PTPRN2: variants seen among roughly 807,000 people sequenced by gnomAD.
The protein encoded by PTPRN2 is protein tyrosine phosphatase receptor type N2.
PTPRN2 carries 74 observed loss-of-function variants against 118.8 expected under a neutral mutation model. The ratio of observed to expected loss-of-function variants is 0.62; its 90% CI spans 0.52 to 0.76. The LOEUF (loss-of-function observed/expected upper bound fraction) is 0.76. Ranked by LOEUF, PTPRN2 falls within the 30% of genes least tolerant of loss-of-function variation. PTPRN2 has a pLI of 0.00. For missense variants in PTPRN2, 1,481 were observed against 1,394.4 expected, an observed-to-expected ratio of 1.06 and a Z score of -0.99; for synonymous variants, 641 against 608.0, an observed-to-expected ratio of 1.05 and a Z score of -0.80.
chr7:157,655,136 G>C (rs549609093), intron 14 of PTPRN2, among the ~76,000 whole-genome samples: 3 of 152,230 alleles, frequency 2.0e-5, no homozygotes, highest in Non-Finnish European at 2.9e-5. Context: ...GTCCGGCTTC[G>C]TGGGCTCGCC....
rs533140408 is a variant in PTPRN2, at chr7:157,576,648, G to C, written c.2748C>G (p.Val916=). ...FHFLSWYDRG[V]PSSSRSLLDF... The stretch of plus-strand genomic sequence containing the variant: ...CCAGGAGGGACCTTGAGGAGGAAGG[G>C]ACTCCTCGGTCATACCAACTCAGGA... Residue 916 remains valine (V), a synonymous_variant, in exon 19 of 23, where the codon GTC becomes GTG. Coordinates refer to ENST00000389418, the MANE Select transcript of PTPRN2 (RefSeq NM_002847.5). 26 of 1,612,708 alleles carry C rather than the reference G, an allele frequency of 1.6e-5. No homozygotes were observed. The East Asian group carries it at 5.4e-4, about 33-fold the overall frequency.
At chr7:157,687,952 CA>C (rs1465064427) in intron 12 of PTPRN2, among the ~76,000 whole-genome samples, 1 of 152,188 alleles carries the variant, frequency 6.6e-6, no homozygotes, top group Non-Finnish European at 1.5e-5. Flanking sequence ...CTCTGCATTA[CA>C]AAATCTTTTC....
intron 3 of PTPRN2, among the ~76,000 whole-genome samples, chr7:158,239,743 A>C (rs1795797075): frequency 6.6e-6 from 1 of 152,234 alleles, no homozygotes; most frequent in Admixed American, 6.5e-5. Context: ...TGCACTTCCC[A>C]CATCTGGATG....
Position 158,353,321 on chromosome 7 carries a change from T to C in PTPRN2, c.164-36389A>G, listed in dbSNP as rs184529183. On this transcript the variant is annotated intron_variant, in intron 2 of 22. Coordinates refer to ENST00000389418, the MANE Select transcript of PTPRN2 (RefSeq NM_002847.5). ...AAAGATGACACATCACTCGGGGCTT[T>C]ATAAAATCCAGGACTCATGTAAACA... Among the ~76,000 whole-genome samples, 367 of 152,328 alleles carry C rather than the reference T, an allele frequency of 2.4e-3. 3 individuals are homozygous for C. Among genetic ancestry groups the C allele is most frequent in the African/African-American group, 8.5e-3 (354 of 41,576 alleles).
chr7:157,568,701 G>T (rs570178930), intron 21 of PTPRN2, among the ~76,000 whole-genome samples: 1 of 151,760 alleles, frequency 6.6e-6, no homozygotes, highest in Non-Finnish European at 1.5e-5. Context: ...CCCACTGCAG[G>T]CTCGGCACGC....
chr7:158,182,944 A>C (rs924675003), intron 5 of PTPRN2, among the ~76,000 whole-genome samples: 3 of 152,216 alleles, frequency 2.0e-5, no homozygotes, highest in South Asian at 4.1e-4. Context: ...CACATCTAGC[A>C]GTAATTATTT....
intron 10 of PTPRN2, among the ~76,000 whole-genome samples, chr7:158,084,540 C>T (rs2128934486): frequency 6.6e-6 from 1 of 152,160 alleles, no homozygotes; most frequent in South Asian, 2.1e-4. Flanking sequence ...AAAAGTAAAA[C>T]AAAGATGCCT....
intron 11 of PTPRN2, among the ~76,000 whole-genome samples, chr7:158,001,958 TG>T (rs1805295547): frequency 6.6e-6 from 1 of 152,232 alleles, no homozygotes; most frequent in South Asian, 2.1e-4. Flanking sequence ...CTGGCCAAGC[TG>T]TCTCCAGGTC....
intron 2 of PTPRN2, among the ~76,000 whole-genome samples, chr7:158,450,406 CTTT>C (rs1305162346): frequency 6.6e-6 from 1 of 152,208 alleles, no homozygotes; most frequent in Non-Finnish European, 1.5e-5. Context: ...TTCATTCTTG[CTTT>C]TTTTAACCTC....
At chr7:157,978,213 T>C (rs182708104) in intron 11 of PTPRN2, among the ~76,000 whole-genome samples, 21 of 152,082 alleles carry the variant, frequency 1.4e-4, no homozygotes, top group Non-Finnish European at 2.8e-4. Context: ...TGAAACTAGC[T>C]CTCAGACATC....
intron 10 of PTPRN2, among the ~76,000 whole-genome samples, chr7:158,106,885 C>A (rs1420219359): frequency 6.6e-6 from 1 of 152,180 alleles, no homozygotes; most frequent in Non-Finnish European, 1.5e-5. Flanking sequence ...ATCTAATTCT[C>A]CTTCAGCATA....
In PTPRN2 at chr7:157,871,165, C is replaced by T. The variant is rs529786110; in HGVS notation, c.1788+27508G>A. Among the ~76,000 whole-genome samples, 3 of 152,302 alleles carry T rather than the reference C, an allele frequency of 2.0e-5. No individual in the cohort carries two copies. In the South Asian group the frequency reaches 6.2e-4, roughly 32 times the overall value. On this transcript the variant is annotated intron_variant, in intron 12 of 22. Coordinates refer to ENST00000389418, the MANE Select transcript of PTPRN2 (RefSeq NM_002847.5). Reference sequence around the variant, plus strand: ...TAGGCACCAATCTTTCCTCTTTTCTCAGCTGGGGAGGCCCAGTTGCTCAAA... The same window carrying T: ...TAGGCACCAATCTTTCCTCTTTTCTTAGCTGGGGAGGCCCAGTTGCTCAAA...
chr7:158,358,559 G>T (rs561198114), intron 2 of PTPRN2, among the ~76,000 whole-genome samples: 3 of 152,204 alleles, frequency 2.0e-5, no homozygotes, highest in Admixed American at 1.3e-4. Flanking sequence ...CAACCCAGGC[G>T]CCCAGCAGCT....
At chr7:158,350,205 G>A (rs1170193542) in intron 2 of PTPRN2, among the ~76,000 whole-genome samples, 5 of 152,160 alleles carry the variant, frequency 3.3e-5, no homozygotes, top group African/African-American at 1.2e-4. Flanking sequence ...CATTGACCCT[G>A]AGGCCCTAAG....
At chr7:158,215,106 C>T (rs1350655152) in intron 3 of PTPRN2, among the ~76,000 whole-genome samples, 3 of 152,094 alleles carry the variant, frequency 2.0e-5, no homozygotes, top group Non-Finnish European at 2.9e-5. Context: ...AAAAATGCTT[C>T]AATGAGCAAT....
At chr7:157,933,524 G>T (rs1213058645) in intron 11 of PTPRN2, among the ~76,000 whole-genome samples, 1 of 137,926 alleles carries the variant, frequency 7.3e-6, no homozygotes, top group Non-Finnish European at 1.6e-5. Context: ...GGAAGGGTGA[G>T]TCACTCTGAC....
intron 12 of PTPRN2, among the ~76,000 whole-genome samples, chr7:157,822,626 C>T (rs954555763): frequency 2.6e-5 from 4 of 151,726 alleles, no homozygotes; most frequent in Admixed American, 1.3e-4. Flanking sequence ...ATCCATCTAC[C>T]CTTTCATCCA....
At chr7:157,774,024 T>C (rs952415078) in intron 12 of PTPRN2, among the ~76,000 whole-genome samples, 3 of 151,860 alleles carry the variant, frequency 2.0e-5, no homozygotes, top group Admixed American at 6.6e-5. Context: ...AAAGAAAACA[T>C]AGGGAAAACA....
intron 2 of PTPRN2, among the ~76,000 whole-genome samples, chr7:158,333,920 C>A (rs562962457): frequency 7.0e-6 from 1 of 142,172 alleles, no homozygotes; most frequent in African/African-American, 2.6e-5. Flanking sequence ...CACTCACACC[C>A]ACACTCTCAC....
Sources: allele counts gnomAD v4.1 joint callset (sites outside exome capture counted in the v4.1 genomes callset), GRCh38; gene constraint gnomAD v4.1.1; transcripts MANE v1.5; gene names NCBI Gene and HGNC (gene_info 2026-07-23, HGNC 2026-07-21).